Variants in RTL4 observed in about 807,000 individuals in gnomAD.
RTL4 encodes the protein retrotransposon Gag-like protein 4.
In RTL4, 4 loss-of-function variants were observed where a neutral mutation model predicts 5.3. The ratio of observed to expected loss-of-function variants is 0.75; its 90% confidence interval spans 0.37 to 1.72. The LOEUF (loss-of-function observed/expected upper bound fraction) is 1.72. Among genes scored for constraint, RTL4 ranks in the 40% most tolerant of loss-of-function variants. The pLI, the probability that RTL4 is intolerant of heterozygous loss-of-function variation, is 0.04. For missense variants in RTL4, 260 were observed against 227.1 expected, an observed-to-expected ratio of 1.14 and a Z score of -0.93; for synonymous variants, 98 against 87.3, an observed-to-expected ratio of 1.12 and a Z score of -0.68.
exon 1 of RTL4, chrX:112,456,004 C>A (rs2147895223): frequency 3.5e-6 from 1 of 285,700 alleles, no homozygotes. Flanking sequence ...CAATGGGTGA[C>A]ATCTGGGTTG....
At chrX:112,396,706 T>A in the RTL4 span, among the ~76,000 whole-genome samples, 16 of 101,374 alleles carry the variant, frequency 1.6e-4, no homozygotes, top group Non-Finnish European at 3.4e-4. Flanking sequence ...TTAAAGTTCA[T>A]ACATTTTTTT....
the RTL4 span, among the ~76,000 whole-genome samples, chrX:112,168,445 G>C: frequency 9.0e-6 from 1 of 111,599 alleles, no homozygotes; most frequent in Non-Finnish European, 1.9e-5. Flanking sequence ...AAATAAGGCT[G>C]AGAGCTACTG....
the RTL4 span, among the ~76,000 whole-genome samples, chrX:112,272,067 G>A: frequency 1.2e-4 from 13 of 111,648 alleles, no homozygotes; most frequent in South Asian, 3.7e-4. Flanking sequence ...AGCAAATTTC[G>A]AATGTACAAT....
chrX:112,425,770 CAGG>C, the RTL4 span, among the ~76,000 whole-genome samples: 164 of 111,632 alleles, frequency 1.5e-3, 2 homozygotes, highest in African/African-American at 5.1e-3. Context: ...ACTTTTTAAT[CAGG>C]TTTTTAAAAA....
At chrX:112,366,096 C>T in the RTL4 span, among the ~76,000 whole-genome samples, 1 of 111,026 alleles carries the variant, frequency 9.0e-6, no homozygotes, top group African/African-American at 3.3e-5. Context: ...CTCATTTGGC[C>T]GTTAATATCA....
the RTL4 span, among the ~76,000 whole-genome samples, chrX:112,444,045 T>C: frequency 1.8e-5 from 2 of 111,793 alleles, no homozygotes; most frequent in Non-Finnish European, 3.8e-5. Context: ...GTCTCCACAA[T>C]GTTTTCTTTT....
the RTL4 span, among the ~76,000 whole-genome samples, chrX:112,180,625 A>G: frequency 8.9e-6 from 1 of 112,027 alleles, no homozygotes; most frequent in Non-Finnish European, 1.9e-5. Context: ...ATCTCATCCC[A>G]TCCTTATACT....
the RTL4 span, among the ~76,000 whole-genome samples, chrX:112,228,090 G>A: frequency 3.6e-5 from 4 of 111,603 alleles, no homozygotes; most frequent in South Asian, 3.8e-4. Context: ...GGCCAGGGAC[G>A]GAGGGTATTA....
chrX:112,299,004 G>A, the RTL4 span, among the ~76,000 whole-genome samples: 1 of 112,208 alleles, frequency 8.9e-6, no homozygotes, highest in South Asian at 3.7e-4. Context: ...GTCCTTCTCC[G>A]CTTTTGCAGG....
At chrX:112,184,588 G>T in the RTL4 span, among the ~76,000 whole-genome samples, 1 of 112,076 alleles carries the variant, frequency 8.9e-6, no homozygotes, top group Non-Finnish European at 1.9e-5. Context: ...AAGGTAAAAA[G>T]TATTCATCAT....
chrX:112,274,019 A>T, the RTL4 span, among the ~76,000 whole-genome samples: 2 of 112,033 alleles, frequency 1.8e-5, no homozygotes, highest in Non-Finnish European at 3.8e-5. Context: ...GTATTAGTAC[A>T]GTATTATCCC....
At chrX:112,269,389 G>T in the RTL4 span, among the ~76,000 whole-genome samples, 1 of 110,931 alleles carries the variant, frequency 9.0e-6, no homozygotes, top group African/African-American at 3.3e-5. Flanking sequence ...GATTTAGAGG[G>T]ACCTTTAGTT....
At chrX:112,338,361 G>A in the RTL4 span, among the ~76,000 whole-genome samples, 1 of 111,786 alleles carries the variant, frequency 8.9e-6, no homozygotes, top group African/African-American at 3.3e-5. Context: ...AACCAGATCA[G>A]TTCATTATCA....
chrX:112,331,937 T>C, the RTL4 span, among the ~76,000 whole-genome samples: 2 of 96,291 alleles, frequency 2.1e-5, no homozygotes, highest in Non-Finnish European at 4.1e-5. Flanking sequence ...ATATTCTCAC[T>C]CATAGGTGGG....
At chrX:112,187,767 T>C in the RTL4 span, among the ~76,000 whole-genome samples, 6 of 111,554 alleles carry the variant, frequency 5.4e-5, no homozygotes, top group East Asian at 1.7e-3. Context: ...TGCAGGTGAA[T>C]AACCTCCAAA....
the RTL4 span, among the ~76,000 whole-genome samples, chrX:112,289,261 GAT>G: frequency 8.9e-6 from 1 of 112,075 alleles, no homozygotes; most frequent in East Asian, 2.8e-4. Context: ...ACATGAAGGT[GAT>G]AGTTTCTAGG....
At chrX:112,263,949 C>T in the RTL4 span, among the ~76,000 whole-genome samples, 7 of 111,728 alleles carry the variant, frequency 6.3e-5, no homozygotes, top group African/African-American at 2.3e-4. Context: ...AAGGATTCAT[C>T]TCACTCTTTT....
the RTL4 span, among the ~76,000 whole-genome samples, chrX:112,329,777 C>T: frequency 8.1e-5 from 9 of 110,661 alleles, no homozygotes; most frequent in African/African-American, 1.3e-4. Flanking sequence ...ACTGGCAAAC[C>T]GAATCCAGCA....
the RTL4 span, among the ~76,000 whole-genome samples, chrX:112,149,585 A>G: frequency 2.7e-5 from 3 of 112,191 alleles, no homozygotes; most frequent in East Asian, 8.5e-4. Flanking sequence ...CCAGCATGGC[A>G]GAAGTTGAGT....
Sources: gnomAD v4.1 joint callset for allele counts (sites outside exome capture counted in the v4.1 genomes callset) on GRCh38, gnomAD v4.1.1 for gene constraint, MANE v1.5 for transcripts, NCBI Gene and HGNC (gene_info 2026-07-23, HGNC 2026-07-21) for gene names.